USH2A: variants seen among roughly 807,000 people sequenced by gnomAD.
USH2A encodes the protein usherin.
In USH2A, 443 loss-of-function variants were observed where a neutral mutation model predicts 538.9. The ratio of observed to expected loss-of-function variants is 0.82; its 90% confidence interval spans 0.76 to 0.89. USH2A has a LOEUF of 0.89. USH2A is among the 40% of genes least tolerant of loss of function. USH2A has a pLI of 0.00. For missense variants in USH2A, 6,633 were observed against 6,324.8 expected, an observed-to-expected ratio of 1.05 and a Z score of -1.65; for synonymous variants, 2,413 against 2,273.5, an observed-to-expected ratio of 1.06 and a Z score of -1.75.
intron 38 of USH2A, among the ~76,000 whole-genome samples, chr1:215,933,140 G>T (rs1666405430): frequency 6.6e-6 from 1 of 151,648 alleles, no homozygotes; most frequent in Admixed American, 6.6e-5. Flanking sequence ...CTGTAGAAAA[G>T]GTATTACTAT....
At chr1:215,852,653 C>T (rs1422972590) in intron 44 of USH2A, among the ~76,000 whole-genome samples, 2 of 152,128 alleles carry the variant, frequency 1.3e-5, no homozygotes, top group Non-Finnish European at 2.9e-5. Context: ...TAGTTACTTC[C>T]TAGAAACAAT....
intron 4 of USH2A, among the ~76,000 whole-genome samples, chr1:216,339,866 C>T (rs1335039217): frequency 6.6e-6 from 1 of 151,808 alleles, no homozygotes. Flanking sequence ...GCACTAAATA[C>T]CCATATCAGA....
intron 15 of USH2A, among the ~76,000 whole-genome samples, chr1:216,212,514 G>T (rs1404377887): frequency 6.6e-6 from 1 of 152,088 alleles, no homozygotes; most frequent in Non-Finnish European, 1.5e-5. Context: ...ATTGTGACTA[G>T]ATCCATCTCT....
At chr1:216,285,388 T>A (rs1192091486) in intron 11 of USH2A, among the ~76,000 whole-genome samples, 1 of 152,206 alleles carries the variant, frequency 6.6e-6, no homozygotes, top group Non-Finnish European at 1.5e-5. Flanking sequence ...GGCCTGCAGG[T>A]GTGCAGAAGA....
At chr1:216,344,341 A>G (rs1245164749) in intron 4 of USH2A, among the ~76,000 whole-genome samples, 2 of 152,136 alleles carry the variant, frequency 1.3e-5, no homozygotes, top group African/African-American at 2.4e-5. Flanking sequence ...TCAACATCAT[A>G]CACTGAACTA....
intron 19 of USH2A, among the ~76,000 whole-genome samples, chr1:216,191,442 A>T (rs924022832): frequency 6.6e-6 from 1 of 151,966 alleles, no homozygotes; most frequent in African/African-American, 2.4e-5. Context: ...TGGAATGTAG[A>T]ATACAGTGTT....
chr1:216,115,425 G>A (rs1053474964), intron 21 of USH2A, among the ~76,000 whole-genome samples: 10 of 152,168 alleles, frequency 6.6e-5, no homozygotes, highest in Non-Finnish European at 1.3e-4. Context: ...GATTACAGGC[G>A]TAAGCCATTG....
chr1:215,641,367 A>G (rs1185193036), intron 67 of USH2A, among the ~76,000 whole-genome samples: 1 of 152,202 alleles, frequency 6.6e-6, no homozygotes, highest in Admixed American at 6.5e-5. Context: ...CTGACTAATC[A>G]ATCAATAGCA....
At chr1:215,720,175 T>TA (rs58977431) in intron 61 of USH2A, among the ~76,000 whole-genome samples, 26,023 of 151,900 alleles carry the variant, frequency 0.17, 2,324 homozygotes, top group South Asian at 0.31. Context: ...TCCAAGTTCA[T>TA]AAAAAAAATT....
At chr1:215,858,652 T>G (rs1664235131) in intron 44 of USH2A, among the ~76,000 whole-genome samples, 1 of 151,728 alleles carries the variant, frequency 6.6e-6, no homozygotes, top group Non-Finnish European at 1.5e-5. Flanking sequence ...ACTATTACAA[T>G]CTCAGTGAGC....
intron 61 of USH2A, among the ~76,000 whole-genome samples, chr1:215,698,348 A>G (rs1658885660): frequency 6.6e-6 from 1 of 152,156 alleles, no homozygotes; most frequent in Non-Finnish European, 1.5e-5. Context: ...CAGTAATGGG[A>G]TTGCTGGGTC....
Position 215,628,895 on chromosome 1 carries a change from G to A in USH2A, c.15438C>T (p.Ser5146=), listed in dbSNP as rs762511190. The A allele has an allele frequency of 6.2e-7, 1 of 1,614,054 alleles. No homozygotes were observed. Among genetic ancestry groups the A allele is most frequent in the African/African-American group, 1.3e-5 (1 of 74,940 alleles). ...TCTTGTCTTGAATGTCCATGAGCTGGCTGACGCTGCGGTGAAGAGAACCCT... is the reference window on the plus strand; with the variant it reads ...TCTTGTCTTGAATGTCCATGAGCTGACTGACGCTGCGGTGAAGAGAACCCT... The part of the protein sequence containing the change: ...YSQGSLHRSV[S]QLMDIQDKKV... The change falls in exon 71 of 72, where the codon AGC becomes AGT. Residue 5146 remains serine, a synonymous_variant. Transcript: ENST00000307340.
chr1:215,688,105 C>T (rs1195418318), intron 61 of USH2A, among the ~76,000 whole-genome samples: 5 of 151,868 alleles, frequency 3.3e-5, no homozygotes, highest in South Asian at 2.1e-4. Flanking sequence ...ATTACAAGGG[C>T]GGGTAAGAAA....
chr1:215,987,106 AT>A (rs1240097510), intron 35 of USH2A, among the ~76,000 whole-genome samples: 1 of 152,248 alleles, frequency 6.6e-6, no homozygotes, highest in Admixed American at 6.5e-5. Context: ...GTTATGCTAG[AT>A]AATGACGAAT....
intron 43 of USH2A, among the ~76,000 whole-genome samples, chr1:215,868,847 A>G (rs1451964804): frequency 6.6e-6 from 1 of 152,230 alleles, no homozygotes; most frequent in Non-Finnish European, 1.5e-5. Flanking sequence ...AAGTTGGAAG[A>G]GGCAAGAAAG....
chr1:215,650,561 C>T, intron 65 of USH2A, 31 bp downstream of exon 65: 1 of 1,613,196 alleles, frequency 6.2e-7, no homozygotes, highest in South Asian at 1.1e-5. Flanking sequence ...TAAAAGTCAA[C>T]CAGTCCTGGA....
intron 3 of USH2A, among the ~76,000 whole-genome samples, chr1:216,386,673 G>A (rs897823203): frequency 8.7e-4 from 132 of 151,018 alleles, no homozygotes; most frequent in African/African-American, 3.1e-3. Context: ...GGCTAACACA[G>A]TGAAACCCCG....
At chr1:216,313,688 T>A (rs566572321) in intron 9 of USH2A, among the ~76,000 whole-genome samples, 111 of 152,282 alleles carry the variant, frequency 7.3e-4, no homozygotes, top group Middle Eastern at 3.4e-3. Flanking sequence ...TCTCGAAAAA[T>A]TCTTTTATTG....
At chr1:216,165,196 T>C (rs1382233049) in intron 21 of USH2A, among the ~76,000 whole-genome samples, 1 of 152,172 alleles carries the variant, frequency 6.6e-6, no homozygotes, top group Non-Finnish European at 1.5e-5. Context: ...TTGTACTGTA[T>C]ATGTTTATTA....
Sources: allele counts gnomAD v4.1 joint callset (sites outside exome capture counted in the v4.1 genomes callset), GRCh38; gene constraint gnomAD v4.1.1; transcripts MANE v1.5; gene names NCBI Gene and HGNC (gene_info 2026-07-23, HGNC 2026-07-21).